Variants in RHAG observed in about 807,000 individuals in gnomAD.
RHAG encodes the protein ammonium transporter Rh type A.
A neutral mutation model predicts 42.4 loss-of-function variants in RHAG; 25 were observed. That is an observed-to-expected ratio of 0.59 (90% CI 0.43 to 0.82). RHAG has a LOEUF of 0.82. RHAG is among the 40% of genes least tolerant of loss of function. The pLI is 0.00. For missense variants in RHAG, 483 were observed against 504.6 expected, an observed-to-expected ratio of 0.96 and a Z score of 0.41; for synonymous variants, 182 against 177.7, an observed-to-expected ratio of 1.02 and a Z score of -0.19.
chr6:49,618,152 C>T lies in RHAG; in HGVS notation c.408G>A (p.Thr136=), dbSNP rs138437733. The T allele has an allele frequency of 8.7e-6, 14 of 1,613,958 alleles. No individual in the cohort carries two copies. In the East Asian group the frequency reaches 1.1e-4, roughly 13 times the overall value. The stretch of plus-strand genomic sequence containing the variant: ...TCATGATCAGCATTTGGGTGGGGCT[C>T]GTTTTTCCCAGGACAGCTCCAAAAG... ...LISFGAVLGK[T]SPTQMLIMTI... Residue 136 remains threonine, a synonymous_variant, in exon 3 of 10, where the codon ACG becomes ACA. Transcript: ENST00000371175.
chr6:49,618,171 C>G lies in RHAG; in HGVS notation c.389G>C (p.Gly130Ala). 1 of 1,614,082 alleles carries G rather than the reference C, an allele frequency of 6.2e-7. No individual in the cohort carries two copies. The highest frequency in any genetic ancestry group is 8.5e-7 in the Non-Finnish European group (1 of 1,180,000). ...FSAATVLISFGAVLGKTSPTQ... is the reference protein window; with the variant it reads ...FSAATVLISFAAVLGKTSPTQ... ...GGGGCTCGTTTTTCCCAGGACAGCT[C>G]CAAAAGATATCAGAACTGTGGCTGC... The change falls in exon 3 of 10, where the codon GGA becomes GCA. Residue 130 changes from glycine to alanine, a missense_variant. Physicochemically the swap from Gly to Ala is moderately conservative, Grantham distance 60. Coordinates refer to ENST00000371175, the MANE Select transcript of RHAG (RefSeq NM_000324.3).
At chr6:49,619,080 C>T (rs1762706660) in intron 2 of RHAG, 99 bp downstream of exon 2, 1 of 1,362,388 alleles carries the variant, frequency 7.3e-7, no homozygotes, top group Non-Finnish European at 1.0e-6. Flanking sequence ...GGTCACCTCC[C>T]CAGTCCCCCA....
chr6:49,636,459 G>C (rs1376584098), intron 1 of RHAG, among the ~76,000 whole-genome samples, 197 bp downstream of exon 1: 1 of 152,046 alleles, frequency 6.6e-6, no homozygotes, highest in African/African-American at 2.4e-5. Context: ...TATTTTAATA[G>C]GAAAAAGTTC....
chr6:49,607,181 G>A lies in RHAG; in HGVS notation c.1107C>T (p.Ile369=), dbSNP rs141568382. 2.1e-4 allele frequency: 333 copies of A among 1,613,634 alleles called. 1 individual carries two copies. The African/African-American group carries it at 3.9e-3, about 19-fold the overall frequency. The part of the protein sequence containing the change: ...AMQAAALGSS[I]GTAVVGGLMT... ...TCAGACCTCCAACAACTGCTGTTCC[G>A]ATAGAGGAACCCAGTGCAGCTGCCT... Residue 369 remains isoleucine, a synonymous_variant, in exon 8 of 10, where the codon ATC becomes ATT. Transcript: ENST00000371175.
At chr6:49,633,468 A>T (rs570697290) in intron 1 of RHAG, among the ~76,000 whole-genome samples, 2 of 152,194 alleles carry the variant, frequency 1.3e-5, no homozygotes, top group South Asian at 4.1e-4. Flanking sequence ...ATATGTATAT[A>T]ACACCTCAGT....
chr6:49,619,082 A>C, intron 2 of RHAG, 97 bp downstream of exon 2: 1 of 1,375,610 alleles, frequency 7.3e-7, no homozygotes, highest in Non-Finnish European at 1.0e-6. Context: ...TCACCTCCCC[A>C]GTCCCCCACC....
chr6:49,614,945 T>C, intron 4 of RHAG, 92 bp from the exon 5 acceptor site: 1 of 1,196,350 alleles, frequency 8.4e-7, no homozygotes, highest in Non-Finnish European at 1.2e-6. Flanking sequence ...TACTTATTTA[T>C]TTGTTTATTT....
rs1763016147 is a variant in RHAG at position 49,636,751 on chromosome 6, C to A, written c.62G>T (p.Gly21Val). ...GTCCGTTTCATACTCAACAAATAAT[C>A]CAAATAAAACAATCATGGCAATTTC... Reference protein sequence around the residue: ...VLEIAMIVLFGLFVEYETDQT... With the variant: ...VLEIAMIVLFVLFVEYETDQT... Residue 21 changes from glycine (G) to valine (V), a missense_variant, in exon 1 of 10, where the codon GGA becomes GTA. Physicochemically the swap from Gly to Val is moderately radical, Grantham distance 109. Coordinates refer to ENST00000371175, the MANE Select transcript of RHAG (RefSeq NM_000324.3). The A allele has an allele frequency of 1.2e-6, 2 of 1,613,894 alleles. No individual in the cohort carries two copies. The highest frequency in any genetic ancestry group is 1.7e-6 in the Non-Finnish European group (2 of 1,179,850).
intron 1 of RHAG, among the ~76,000 whole-genome samples, chr6:49,626,516 G>T (rs550721836): frequency 5.9e-5 from 9 of 152,278 alleles, no homozygotes; most frequent in Admixed American, 5.2e-4. Context: ...GGCTTTTCAG[G>T]GTACAGCCCC....
intron 4 of RHAG, chr6:49,615,254 G>A (rs1762634330): frequency 7.2e-6 from 2 of 276,232 alleles, no homozygotes; most frequent in South Asian, 8.8e-5. Flanking sequence ...CCAGCCTGGA[G>A]GATGTAGTTT....
intron 1 of RHAG, among the ~76,000 whole-genome samples, chr6:49,629,404 C>T (rs973026642): frequency 2.0e-5 from 3 of 152,126 alleles, no homozygotes; most frequent in African/African-American, 4.8e-5. Flanking sequence ...TACAGAGTGC[C>T]GGTTGGTGTA....
At position 49,624,121 on chromosome 6, in the gene RHAG, C is replaced by A. The variant is rs1037636500; in HGVS notation, c.158-4759G>T. On this transcript the variant is annotated intron_variant, in intron 1 of 9. Coordinates refer to ENST00000371175, the MANE Select transcript of RHAG (RefSeq NM_000324.3). ...CGAAGAAATCTCAAGGCATTAGAAT[C>A]CTACACTGTTCTTAGCGTTCCCATC... 5.3e-5 allele frequency among the ~76,000 whole-genome samples: 8 copies of A among 152,172 alleles called. No individual in the cohort carries two copies. In the East Asian group the frequency reaches 1.3e-3, roughly 26 times the overall value.
At chr6:49,606,294 A>T (rs982849534) in intron 9 of RHAG, among the ~76,000 whole-genome samples, 4 of 152,294 alleles carry the variant, frequency 2.6e-5, no homozygotes, top group East Asian at 1.9e-4. Context: ...TTTTAACCAA[A>T]TAAACCTGTG....
chr6:49,629,845 C>T (rs1168252280), intron 1 of RHAG, among the ~76,000 whole-genome samples: 4 of 93,618 alleles, frequency 4.3e-5, no homozygotes, highest in South Asian at 3.9e-4. Flanking sequence ...GCTCCGAGTG[C>T]GGGGCCCGCC....
rs12055651 is a variant in RHAG at position 49,621,841 on chromosome 6, A to C, written c.158-2479T>G. Among the ~76,000 whole-genome samples, 146 of 152,218 alleles carry C rather than the reference A, an allele frequency of 9.6e-4. 6 individuals are homozygous for C. The East Asian group carries it at 0.027, about 28-fold the overall frequency. ...CTAAAGTGTCTTAGCTCTACAATTT[A>C]TTTTATTTTGCATTTAGGTCAGGAC... On this transcript the variant is annotated intron_variant, in intron 1 of 9. Transcript: ENST00000371175.
intron 1 of RHAG, among the ~76,000 whole-genome samples, chr6:49,623,820 G>T (rs1762800911): frequency 6.6e-6 from 1 of 152,110 alleles, no homozygotes; most frequent in Non-Finnish European, 1.5e-5. Context: ...CATAGTAAGC[G>T]GTGTAAAACT....
At chr6:49,627,376 T>G (rs1762859316) in intron 1 of RHAG, among the ~76,000 whole-genome samples, 1 of 152,048 alleles carries the variant, frequency 6.6e-6, no homozygotes. Context: ...ATAGCAAGAG[T>G]GACCTTTACT....
chr6:49,605,852 G>A, intron 9 of RHAG, 22 bp from the exon 10 acceptor site: 5 of 1,600,638 alleles, frequency 3.1e-6, no homozygotes, highest in Middle Eastern at 1.7e-4. Flanking sequence ...CAAGTTTGAG[G>A]GCACTTAATA....
chr6:49,627,058 G>A (rs775958631), intron 1 of RHAG, among the ~76,000 whole-genome samples: 15 of 152,238 alleles, frequency 9.9e-5, no homozygotes, highest in Non-Finnish European at 2.1e-4. Flanking sequence ...TGTAATGGGA[G>A]GGATGGCCAT....
Sources: allele counts gnomAD v4.1 joint callset (sites outside exome capture counted in the v4.1 genomes callset), GRCh38; gene constraint gnomAD v4.1.1; transcripts MANE v1.5; gene names NCBI Gene and HGNC (gene_info 2026-07-23, HGNC 2026-07-21).